The following CFI variants were observed in gnomAD, a reference collection of about 807,000 sequenced individuals.
The protein encoded by CFI is C3B/C4B inactivator.
CFI carries 66 observed loss-of-function variants against 78.8 expected under a neutral mutation model. That is an observed-to-expected ratio of 0.84 (90% CI 0.69 to 1.03). The LOEUF is 1.03. CFI is among the 50% of genes least tolerant of loss of function. The pLI, the probability that CFI is intolerant of heterozygous loss-of-function variation, is 0.00. For missense variants in CFI, 706 were observed against 704.5 expected, an observed-to-expected ratio of 1.00 and a Z score of -0.02; for synonymous variants, 250 against 232.6, an observed-to-expected ratio of 1.07 and a Z score of -0.68.
chr4:109,749,155 C>T, intron 10 of CFI, 63 bp downstream of exon 10: 1 of 1,370,904 alleles, frequency 7.3e-7, no homozygotes, highest in Non-Finnish European at 1.0e-6. Flanking sequence ...TCATCTGCCA[C>T]AATCTCTATT....
chr4:109,755,519 T>C (rs1368053198), intron 7 of CFI, among the ~76,000 whole-genome samples: 1 of 152,148 alleles, frequency 6.6e-6, no homozygotes, highest in Non-Finnish European at 1.5e-5. Flanking sequence ...TCTTCCCTCA[T>C]TAATAGATTA....
intron 1 of CFI, among the ~76,000 whole-genome samples, chr4:109,796,604 C>G (rs1038215510): frequency 6.6e-6 from 1 of 152,122 alleles, no homozygotes; most frequent in Non-Finnish European, 1.5e-5. Context: ...GAGTTTGAGA[C>G]TAGTCTGGGC....
At chr4:109,796,699 G>C (rs551852068) in intron 1 of CFI, among the ~76,000 whole-genome samples, 3 of 152,302 alleles carry the variant, frequency 2.0e-5, no homozygotes, top group African/African-American at 7.2e-5. Flanking sequence ...TTGAGAGGCT[G>C]GGGTAGGAGG....
chr4:109,778,593 T>G (rs899659413), intron 1 of CFI, among the ~76,000 whole-genome samples: 5 of 152,176 alleles, frequency 3.3e-5, no homozygotes, highest in African/African-American at 1.2e-4. Flanking sequence ...ACTATTCTAA[T>G]CAATAGAAAA....
intron 3 of CFI, chr4:109,764,215 C>A (rs1008957450): frequency 2.6e-5 from 10 of 384,716 alleles, no homozygotes; most frequent in Non-Finnish European, 4.9e-5. Context: ...AGTATATAAA[C>A]TATACTAAGT....
At chr4:109,756,903 AAG>A (rs1491137574) in intron 7 of CFI, among the ~76,000 whole-genome samples, 1 of 66,052 alleles carries the variant, frequency 1.5e-5, no homozygotes, top group Admixed American at 1.3e-4. Context: ...GAAAGAAAGA[AAG>A]AAAGAAAGAA....
At chr4:109,731,073 C>A in the CFI span, among the ~76,000 whole-genome samples, 1 of 152,288 alleles carries the variant, frequency 6.6e-6, no homozygotes, top group Non-Finnish European at 1.5e-5. Context: ...ATTGGGCAGA[C>A]CAAGCGCGGT....
At position 109,796,242 on chromosome 4, in the gene CFI, C is replaced by CA. The variant is rs1038354350; in HGVS notation, c.57+5672dup. 5.3e-5 allele frequency among the ~76,000 whole-genome samples: 8 copies of CA among 151,986 alleles called. No individual in the cohort carries two copies. In the South Asian group the frequency reaches 1.0e-3, roughly 20 times the overall value. ...TATTCAAAGTGTCATAACGAAGAAA[C>CA]AAAAAACCCCAAAACCACTGCCAAC... On this transcript the variant is annotated intron_variant, in intron 1 of 12. Transcript: ENST00000394634.
chr4:109,732,856 CAAAAA>C, the CFI span, among the ~76,000 whole-genome samples: 2 of 130,420 alleles, frequency 1.5e-5, no homozygotes, highest in Admixed American at 7.9e-5. Flanking sequence ...GACTCTGTCT[CAAAAA>C]AAAAAAAAAA....
chr4:109,754,334 G>T (rs1183061654), intron 7 of CFI, among the ~76,000 whole-genome samples: 1 of 149,940 alleles, frequency 6.7e-6, no homozygotes, highest in Non-Finnish European at 1.5e-5. Context: ...AGCCAAGGGA[G>T]TCCTGAGCTG....
chr4:109,741,212 T>C, intron 12 of CFI, 102 bp from the exon 13 acceptor site: 1 of 1,585,734 alleles, frequency 6.3e-7, no homozygotes, highest in African/African-American at 1.3e-5. Context: ...TTTTTACAGT[T>C]TCCTGACAGC....
intron 7 of CFI, among the ~76,000 whole-genome samples, chr4:109,756,937 G>GAAAGAAAGAAAGAAAGAAAGAAAGAA (rs1726327375): frequency 6.8e-6 from 1 of 147,442 alleles, no homozygotes; most frequent in Admixed American, 6.7e-5. Flanking sequence ...AAGAAAGAAA[G>GAAAGAAAGAAAGAAAGAAAGAAAGAA]AAAGAAAGAA....
chr4:109,781,905 A>G (rs981962408), intron 1 of CFI, among the ~76,000 whole-genome samples: 1 of 152,130 alleles, frequency 6.6e-6, no homozygotes, highest in Non-Finnish European at 1.5e-5. Context: ...TGAAAAACCA[A>G]AGTCACATGA....
chr4:109,755,578 A>T (rs1289134639), intron 7 of CFI, among the ~76,000 whole-genome samples: 1 of 152,040 alleles, frequency 6.6e-6, no homozygotes, highest in African/African-American at 2.4e-5. Context: ...TGGGCTTGTT[A>T]TATACAAAAG....
intron 1 of CFI, among the ~76,000 whole-genome samples, chr4:109,801,418 A>C (rs956406225): frequency 6.6e-6 from 1 of 152,184 alleles, no homozygotes; most frequent in Non-Finnish European, 1.5e-5. Context: ...TTGTCCTCTC[A>C]TTGAAGTCCT....
At chr4:109,781,996 C>A (rs1730104781) in intron 1 of CFI, among the ~76,000 whole-genome samples, 1 of 151,978 alleles carries the variant, frequency 6.6e-6, no homozygotes, top group Admixed American at 6.6e-5. Context: ...AATCGGCATA[C>A]AAGGGGCATA....
At chr4:109,756,167 T>G (rs1221966325) in intron 7 of CFI, among the ~76,000 whole-genome samples, 1 of 150,792 alleles carries the variant, frequency 6.6e-6, no homozygotes, top group Non-Finnish European at 1.5e-5. Context: ...GGAATGGGAG[T>G]AAGGTATAGT....
At position 109,746,269 on chromosome 4, in the gene CFI, A is replaced by G; in HGVS notation, c.1382T>C (p.Phe461Ser). 6.2e-7 allele frequency: 1 copy of G among 1,614,188 alleles called. No individual in the cohort carries two copies. The highest frequency in any genetic ancestry group is 8.5e-7 in the Non-Finnish European group (1 of 1,180,022). The change falls in exon 11 of 13, where the codon TTC (phenylalanine) becomes TCC (serine). Residue 461 changes from phenylalanine to serine, a missense_variant. By Grantham distance (155) the Phe-to-Ser change is radical. Coordinates refer to ENST00000394634, the MANE Select transcript of CFI (RefSeq NM_000204.5). ...PACVPWSPYL[F>S]QPNDTCIVSG... is the part of the protein sequence containing the mutation. Reference sequence around the variant, plus strand: ...AACGATGCATGTATCATTAGGTTGGAATAGGTAAGGAGACCAGGGGACACA... The same window carrying G: ...AACGATGCATGTATCATTAGGTTGGGATAGGTAAGGAGACCAGGGGACACA...
intron 1 of CFI, among the ~76,000 whole-genome samples, chr4:109,791,914 T>C (rs538834738): frequency 1.3e-5 from 2 of 152,370 alleles, no homozygotes; most frequent in East Asian, 3.9e-4. Context: ...TTGTGATTTC[T>C]TCTTTGACCA....
Sources: allele counts gnomAD v4.1 joint callset (sites outside exome capture counted in the v4.1 genomes callset), GRCh38; gene constraint gnomAD v4.1.1; transcripts MANE v1.5; gene names NCBI Gene and HGNC (gene_info 2026-07-23, HGNC 2026-07-21).